The following MKLN1 variants were observed in gnomAD, a reference collection of about 807,000 sequenced individuals.
MKLN1 encodes muskelin 1.
Under a neutral mutation model 99.0 loss-of-function variants are expected in MKLN1, and 18 were observed. That is an observed-to-expected ratio of 0.18 (90% confidence interval 0.13 to 0.27). The LOEUF (loss-of-function observed/expected upper bound fraction) is 0.27. Ranked by LOEUF, MKLN1 falls within the 10% of genes least tolerant of loss-of-function variation. MKLN1 has a pLI of 1.00. For synonymous variants in MKLN1, 288 were observed against 293.2 expected (o/e 0.98, Z 0.18); for missense variants, 621 against 875.9 (o/e 0.71, Z 3.67).
intron 2 of MKLN1, among the ~76,000 whole-genome samples, chr7:131,158,353 G>C (rs1009384527): frequency 6.6e-6 from 1 of 152,178 alleles, no homozygotes; most frequent in Non-Finnish European, 1.5e-5. Context: ...AGAATCACTT[G>C]AACCTGGGAG....
At chr7:131,179,133 T>C (rs1796343106) in intron 2 of MKLN1, among the ~76,000 whole-genome samples, 1 of 152,220 alleles carries the variant, frequency 6.6e-6, no homozygotes, top group Non-Finnish European at 1.5e-5. Flanking sequence ...GTGAATATGT[T>C]GAAGAAGAAA....
intron 1 of MKLN1, among the ~76,000 whole-genome samples, chr7:131,122,702 TTA>T (rs1411698646): frequency 6.6e-6 from 1 of 152,124 alleles, no homozygotes; most frequent in Non-Finnish European, 1.5e-5. Flanking sequence ...CACCAGCTTC[TTA>T]GTCTGTTATT....
At position 131,317,930 on chromosome 7, in the gene MKLN1, C is replaced by G. The variant is rs373805944; in HGVS notation, c.-178-57494C>G. On this transcript the variant is annotated intron_variant, in intron 3 of 7. Coordinates refer to the MKLN1 transcript ENST00000416992. ...GCTAACTATCCTAAATATATATGCACCCAATACAGGAGCACCCAGATTCAT... is the reference window on the plus strand; with the variant it reads ...GCTAACTATCCTAAATATATATGCAGCCAATACAGGAGCACCCAGATTCAT... 7.2e-5 allele frequency among the ~76,000 whole-genome samples: 11 copies of G among 152,190 alleles called. No homozygotes were observed. In the East Asian group the frequency reaches 2.1e-3, roughly 29 times the overall value.
intron 3 of MKLN1, among the ~76,000 whole-genome samples, chr7:131,291,537 A>C (rs1214305805): frequency 1.3e-5 from 2 of 149,904 alleles, no homozygotes; most frequent in Admixed American, 6.7e-5. Flanking sequence ...ATAATGCAGA[A>C]TACATATGTA....
chr7:131,347,625 CAA>C (rs1201886965), intron 1 of MKLN1, among the ~76,000 whole-genome samples: 1 of 152,058 alleles, frequency 6.6e-6, no homozygotes, highest in Non-Finnish European at 1.5e-5. Flanking sequence ...AAAGAGGAGA[CAA>C]AAAGAGTGAA....
chr7:131,477,741 G>A (rs573002402), intron 16 of MKLN1, among the ~76,000 whole-genome samples: 1 of 152,274 alleles, frequency 6.6e-6, no homozygotes, highest in Non-Finnish European at 1.5e-5. Context: ...TTTAATATCT[G>A]AAATGTTAAA....
chr7:131,375,014 C>CAG (rs1477764509), intron 1 of MKLN1, among the ~76,000 whole-genome samples: 3 of 150,206 alleles, frequency 2.0e-5, no homozygotes, highest in African/African-American at 7.4e-5. Context: ...CATGATCCAT[C>CAG]ATAGCACACT....
chr7:131,309,928 T>C (rs1798536113), intron 3 of MKLN1: 2 of 151,796 alleles, frequency 1.3e-5, no homozygotes, highest in African/African-American at 4.8e-5. Context: ...GGTTTCACTG[T>C]GTTATCCAGG....
chr7:131,353,687 C>T (rs1255501759), intron 1 of MKLN1, among the ~76,000 whole-genome samples: 1 of 151,712 alleles, frequency 6.6e-6, no homozygotes, highest in Admixed American at 6.6e-5. Context: ...GATCTCCTTG[C>T]CTAGTCCTAG....
chr7:131,195,727 C>T (rs1405859820), intron 2 of MKLN1, among the ~76,000 whole-genome samples: 5 of 151,634 alleles, frequency 3.3e-5, no homozygotes, highest in Non-Finnish European at 5.9e-5. Context: ...CTGAGGTGGG[C>T]GGATCATGAG....
Position 131,399,488 on chromosome 7 carries a change from T to C in MKLN1, c.703+55T>C, listed in dbSNP as rs1240829697. On this transcript the variant is annotated intron_variant, in intron 6 of 17. Transcript: ENST00000352689. ...AATTCAAGTACATACGGGAAACTTT[T>C]TCTCAAAAATAATATAGGCTTATGC... 2.8e-6 allele frequency: 4 copies of C among 1,449,718 alleles called. No homozygotes were observed. In the African/African-American group the frequency reaches 5.7e-5, roughly 21 times the overall value. 89.8% of individuals were successfully genotyped at this position (1,449,718 alleles called of 1,614,324 possible). A position where few individuals can be genotyped will look rare whatever the true frequency, so the allele number is the denominator to read the frequency against.
At chr7:131,418,265 G>A (rs1466120501) in intron 8 of MKLN1, among the ~76,000 whole-genome samples, 2 of 151,670 alleles carry the variant, frequency 1.3e-5, no homozygotes, top group African/African-American at 4.8e-5. Flanking sequence ...GCTACTCGGG[G>A]GGCCGAGGCA....
rs749635428 is a variant in MKLN1, at chr7:131,399,315, A to G, written c.585A>G (p.Ser195=). The G allele has an allele frequency of 6.2e-7, 1 of 1,614,022 alleles. No homozygotes were observed. The highest frequency in any genetic ancestry group is 8.5e-7 in the Non-Finnish European group (1 of 1,179,922). Reference sequence around the variant, plus strand: ...ACAACTATACAGAAGCTTTTGAGTCACTGCAAAAGAAAACCAAGATTGCAC... The same window carrying G: ...ACAACTATACAGAAGCTTTTGAGTCGCTGCAAAAGAAAACCAAGATTGCAC... ...RQHNYTEAFE[S]LQKKTKIALE... The change falls in exon 6 of 18, where the codon TCA becomes TCG. Residue 195 remains serine, a synonymous_variant. Coordinates refer to ENST00000352689, the MANE Select transcript of MKLN1 (RefSeq NM_013255.5).
chr7:131,201,356 C>A (rs1270759704), intron 2 of MKLN1, among the ~76,000 whole-genome samples: 1 of 152,132 alleles, frequency 6.6e-6, no homozygotes, highest in Non-Finnish European at 1.5e-5. Context: ...CTTCACACTT[C>A]GTTAGCATTC....
At chr7:131,258,100 G>A (rs1177049872) in intron 3 of MKLN1, among the ~76,000 whole-genome samples, 1 of 150,022 alleles carries the variant, frequency 6.7e-6, no homozygotes, top group Non-Finnish European at 1.5e-5. Flanking sequence ...CAGCCTGGGT[G>A]ACAGAGTGAG....
At chr7:131,382,304 G>A (rs1793875446) in intron 2 of MKLN1, among the ~76,000 whole-genome samples, 3 of 152,010 alleles carry the variant, frequency 2.0e-5, no homozygotes, top group Admixed American at 1.3e-4. Context: ...GGCGGAGGTT[G>A]CAGTGAGCCA....
At chr7:131,147,154 C>T (rs1173225540) in intron 2 of MKLN1, among the ~76,000 whole-genome samples, 1 of 151,618 alleles carries the variant, frequency 6.6e-6, no homozygotes, top group Admixed American at 6.6e-5. Flanking sequence ...TGGGTTCAAG[C>T]GATTCTTCTC....
rs1233100935 is a variant in MKLN1, at chr7:131,492,937, A to C, written c.*5209A>C. On this transcript the variant is annotated 3_prime_UTR_variant, in exon 18 of 18. Transcript: ENST00000352689. ...GAAATTATCACTGTCTTTTTGGCTA[A>C]AGTTTTATATTGTGAACTGGATCCC... is the stretch of plus-strand genomic sequence containing the variant. 4.6e-5 allele frequency: 7 copies of C among 152,080 alleles called. No homozygotes were observed. The highest frequency in any genetic ancestry group is 1.7e-4 in the African/African-American group (7 of 41,414). The allele number at this position is 152,080 out of a possible 1,614,324, so 9.4% of individuals were successfully genotyped here. A position where few individuals can be genotyped will look rare whatever the true frequency, so the allele number is the denominator to read the frequency against.
intron 3 of MKLN1, among the ~76,000 whole-genome samples, chr7:131,225,627 A>G (rs1169259348): frequency 6.6e-6 from 1 of 152,194 alleles, no homozygotes; most frequent in African/African-American, 2.4e-5. Flanking sequence ...TAAGACCCAG[A>G]TCAGGGCATG....
Sources: allele counts gnomAD v4.1 joint callset (sites outside exome capture counted in the v4.1 genomes callset), GRCh38; gene constraint gnomAD v4.1.1; transcripts MANE v1.5; gene names NCBI Gene and HGNC (gene_info 2026-07-23, HGNC 2026-07-21).